Variants in LTBP1 observed in about 807,000 individuals in gnomAD.
LTBP1 encodes latent transforming growth factor beta binding protein 1.
A neutral mutation model predicts 207.6 loss-of-function variants in LTBP1; 129 were observed. That is an observed-to-expected ratio of 0.62 (90% confidence interval 0.54 to 0.72). The LOEUF is 0.72. Among genes scored for constraint, LTBP1 ranks in the 30% least tolerant of loss-of-function variants. The probability of loss-of-function intolerance (pLI) is 0.00; values close to 1 mark genes in which losing one functional copy is unlikely to be tolerated. For synonymous variants in LTBP1, 963 were observed against 833.7 expected, an observed-to-expected ratio of 1.16 and a Z score of -2.67; for missense variants, 2,281 against 2,217.2, an observed-to-expected ratio of 1.03 and a Z score of -0.58.
At chr2:33,027,496 C>A (rs759800731) in intron 3 of LTBP1, among the ~76,000 whole-genome samples, 8 of 152,100 alleles carry the variant, frequency 5.3e-5, no homozygotes, top group Non-Finnish European at 1.2e-4. Context: ...TACCCTTTGA[C>A]CATTTTTTGG....
intron 2 of LTBP1, among the ~76,000 whole-genome samples, chr2:32,984,012 ATTT>A (rs968514680): frequency 6.6e-6 from 1 of 152,128 alleles, no homozygotes; most frequent in African/African-American, 2.4e-5. Flanking sequence ...GTTTTAAGGC[ATTT>A]TTTCCCATTG....
At chr2:32,993,439 A>G (rs886332707) in intron 2 of LTBP1, among the ~76,000 whole-genome samples, 10 of 152,196 alleles carry the variant, frequency 6.6e-5, no homozygotes, top group African/African-American at 2.2e-4. Context: ...TCTCTCATAT[A>G]TACAAGTTCA....
At chr2:33,045,787 C>T (rs1018092481) in intron 3 of LTBP1, among the ~76,000 whole-genome samples, 4 of 152,132 alleles carry the variant, frequency 2.6e-5, no homozygotes, top group African/African-American at 7.2e-5. Context: ...TGTCTTATTT[C>T]CTTGAGCAGC....
In LTBP1 at chr2:32,953,827, C is replaced by G. The variant is rs544933222; in HGVS notation, c.565+4882C>G. On this transcript the variant is annotated intron_variant, in intron 2 of 33. Transcript: ENST00000404816. ...TATTTCAGACGTACTCAAACATGTT[C>G]GAGAGCTCAAATTAAATTTTCCTAA... Among the ~76,000 whole-genome samples the G allele has an allele frequency of 7.2e-5, 11 of 152,238 alleles. No individual in the cohort carries two copies. In the South Asian group the frequency reaches 2.3e-3, roughly 32 times the overall value.
chr2:33,338,908 G>A lies in LTBP1; in HGVS notation c.3731-3930G>A, dbSNP rs1383710599. Among the ~76,000 whole-genome samples the A allele has an allele frequency of 2.0e-5, 3 of 152,182 alleles. No homozygotes were observed. In the East Asian group the frequency reaches 5.8e-4, roughly 29 times the overall value. ...ATAGGCAGGAGGCAGATGAGGAAGG[G>A]TGCTCCATGCCCTACTAAGGAGTGT... On this transcript the variant is annotated intron_variant, in intron 24 of 33. Coordinates refer to ENST00000404816, the MANE Select transcript of LTBP1 (RefSeq NM_206943.4).
At position 33,273,770 on chromosome 2, in the gene LTBP1, G is replaced by A; in HGVS notation, c.2732G>A (p.Arg911Lys). 1.2e-6 allele frequency: 2 copies of A among 1,601,522 alleles called. No homozygotes were observed. The highest frequency in any genetic ancestry group is 1.1e-5 in the South Asian group (1 of 87,604). Reference protein sequence around the residue: ...YEGYRFSEQQRKCVDIDECTQ... With the variant: ...YEGYRFSEQQKKCVDIDECTQ... ...GGCTACAGGTTCAGTGAACAACAGAGGAAATGTGTGGGTAAGAGACAATTT... is the reference window on the plus strand; with the variant it reads ...GGCTACAGGTTCAGTGAACAACAGAAGAAATGTGTGGGTAAGAGACAATTT... The change falls in exon 16 of 34, where the codon AGG (arginine) becomes AAG (lysine). Residue 911 changes from arginine to lysine, a missense_variant. Arg to Lys is a conservative substitution (Grantham distance 26, BLOSUM62 2). Around this residue, in one of 3 missense-constraint regions of LTBP1, gnomAD observed 1,671 missense variants for 1,634.8 expected, o/e 1.02. Coordinates refer to ENST00000404816, the MANE Select transcript of LTBP1 (RefSeq NM_206943.4).
intron 3 of LTBP1, among the ~76,000 whole-genome samples, chr2:33,033,154 A>G (rs1349780927): frequency 6.6e-6 from 1 of 152,192 alleles, no homozygotes; most frequent in East Asian, 1.9e-4. Context: ...CAAACTAAAT[A>G]GTCTTTAGTT....
chr2:33,210,255 CTGTT>C (rs1426095334), intron 7 of LTBP1, among the ~76,000 whole-genome samples: 4 of 152,170 alleles, frequency 2.6e-5, no homozygotes, highest in Non-Finnish European at 5.9e-5. Context: ...CTCCTTTCTG[CTGTT>C]TGTTTGAGAA....
chr2:33,388,304 G>A (rs1245720059), intron 31 of LTBP1, among the ~76,000 whole-genome samples: 1 of 152,136 alleles, frequency 6.6e-6, no homozygotes, highest in South Asian at 2.1e-4. Flanking sequence ...ACCACAGATG[G>A]GTCTAGCTGG....
At chr2:33,240,964 T>A (rs1389342345) in intron 9 of LTBP1, among the ~76,000 whole-genome samples, 1 of 152,160 alleles carries the variant, frequency 6.6e-6, no homozygotes, top group Non-Finnish European at 1.5e-5. Context: ...ACGTTCTTAA[T>A]CACAATCTGG....
At chr2:33,201,221 C>G (rs1247695017) in intron 7 of LTBP1, among the ~76,000 whole-genome samples, 1 of 152,124 alleles carries the variant, frequency 6.6e-6, no homozygotes, top group African/African-American at 2.4e-5. Flanking sequence ...AGACTTGGAA[C>G]CAACCCAAAT....
At chr2:32,996,755 G>A (rs993656096) in intron 2 of LTBP1, among the ~76,000 whole-genome samples, 3 of 152,150 alleles carry the variant, frequency 2.0e-5, no homozygotes, top group Non-Finnish European at 4.4e-5. Context: ...AGGTTTATGT[G>A]TAGTCCAAGG....
At chr2:33,221,423 A>G (rs2091093555) in intron 8 of LTBP1, among the ~76,000 whole-genome samples, 1 of 152,204 alleles carries the variant, frequency 6.6e-6, no homozygotes, top group Admixed American at 6.5e-5. Context: ...GTCTCACTCT[A>G]GAGTATCAGA....
intron 3 of LTBP1, among the ~76,000 whole-genome samples, chr2:33,053,099 G>A (rs1438794860): frequency 6.6e-6 from 1 of 152,140 alleles, no homozygotes; most frequent in Non-Finnish European, 1.5e-5. Context: ...TTGAACTCCT[G>A]ACCTCAAGTG....
chr2:33,304,807 T>C (rs1433894777), intron 22 of LTBP1, among the ~76,000 whole-genome samples: 1 of 152,250 alleles, frequency 6.6e-6, no homozygotes. Context: ...TTGCTCTTGG[T>C]CATTTATTTG....
intron 2 of LTBP1, among the ~76,000 whole-genome samples, chr2:32,991,653 C>A (rs1202748676): frequency 6.6e-6 from 1 of 152,170 alleles, no homozygotes; most frequent in Non-Finnish European, 1.5e-5. Context: ...CATGACAGAA[C>A]ATGCTAGCCA....
chr2:33,160,277 A>T (rs188969684), intron 5 of LTBP1, among the ~76,000 whole-genome samples: 8 of 152,216 alleles, frequency 5.3e-5, no homozygotes, highest in Non-Finnish European at 1.2e-4. Flanking sequence ...GAGAAAATTT[A>T]TTAGGGGCTT....
At chr2:32,956,245 C>T (rs913264708) in intron 2 of LTBP1, among the ~76,000 whole-genome samples, 2 of 152,118 alleles carry the variant, frequency 1.3e-5, no homozygotes, top group Non-Finnish European at 2.9e-5. Context: ...CTCTTCCTTT[C>T]GTGAAAGCTT....
At chr2:33,083,648 G>T (rs1057430167) in intron 3 of LTBP1, among the ~76,000 whole-genome samples, 1 of 152,136 alleles carries the variant, frequency 6.6e-6, no homozygotes, top group Non-Finnish European at 1.5e-5. Flanking sequence ...TACAGCTCGT[G>T]CCCTGTGGAC....
Sources: allele counts gnomAD v4.1 joint callset (sites outside exome capture counted in the v4.1 genomes callset), GRCh38; gene constraint gnomAD v4.1.1; regional missense constraint gnomAD v4.1.1; transcripts MANE v1.5; gene names NCBI Gene and HGNC (gene_info 2026-07-23, HGNC 2026-07-21).